The following MIPEP variants were observed in gnomAD, a reference collection of about 807,000 sequenced individuals.
MIPEP encodes the protein mitochondrial intermediate peptidase.
In MIPEP, 79 loss-of-function variants were observed where a neutral mutation model predicts 90.3. The observed-to-expected ratio is 0.87, with a 90% CI of 0.73 to 1.05. The LOEUF (loss-of-function observed/expected upper bound fraction) is 1.05. Ranked by LOEUF, MIPEP falls within the 50% of genes least tolerant of loss-of-function variation. The pLI, the probability that MIPEP is intolerant of heterozygous loss-of-function variation, is 0.00. For missense variants in MIPEP, 940 were observed against 905.6 expected (o/e 1.04, Z -0.49); for synonymous variants, 334 against 315.8 (o/e 1.06, Z -0.61).
intron 15 of MIPEP, among the ~76,000 whole-genome samples, chr13:23,808,346 G>A (rs932938078): frequency 2.6e-5 from 4 of 152,026 alleles, no homozygotes; most frequent in Admixed American, 1.3e-4. Context: ...TGATCCGCCC[G>A]CCTCGGCCTC....
chr13:23,791,343 A>G (rs1043498033), intron 16 of MIPEP, among the ~76,000 whole-genome samples: 1 of 152,132 alleles, frequency 6.6e-6, no homozygotes, highest in African/African-American at 2.4e-5. Flanking sequence ...GCCTGCAATC[A>G]TAACTCACAT....
chr13:23,871,840 T>C (rs1054863761), intron 5 of MIPEP, among the ~76,000 whole-genome samples: 1 of 152,026 alleles, frequency 6.6e-6, no homozygotes, highest in Non-Finnish European at 1.5e-5. Flanking sequence ...TGGTAACAAG[T>C]GGAATAACAA....
chr13:23,801,071 G>A (rs191175813), intron 16 of MIPEP, among the ~76,000 whole-genome samples: 4 of 152,206 alleles, frequency 2.6e-5, no homozygotes, highest in African/African-American at 2.4e-5. Context: ...AAGACTCTTC[G>A]TTGCTTATAT....
At chr13:23,816,684 A>G (rs1953242296) in intron 14 of MIPEP, among the ~76,000 whole-genome samples, 1 of 152,052 alleles carries the variant, frequency 6.6e-6, no homozygotes, top group South Asian at 2.1e-4. Flanking sequence ...GCTTTTATTG[A>G]TTAGCTTTAT....
intron 7 of MIPEP, among the ~76,000 whole-genome samples, chr13:23,867,775 T>C (rs1033177645): frequency 1.3e-5 from 2 of 152,144 alleles, no homozygotes; most frequent in African/African-American, 4.8e-5. Context: ...AAATGTAGCA[T>C]ATGTGTTTAG....
At chr13:23,855,455 G>C (rs2137490070) in intron 10 of MIPEP, among the ~76,000 whole-genome samples, 1 of 152,182 alleles carries the variant, frequency 6.6e-6, no homozygotes, top group African/African-American at 2.4e-5. Context: ...TTGAAAAAAA[G>C]GCTCGAATCA....
intron 16 of MIPEP, among the ~76,000 whole-genome samples, chr13:23,797,616 C>CT (rs1305763216): frequency 2.6e-5 from 4 of 152,192 alleles, no homozygotes; most frequent in Non-Finnish European, 5.9e-5. Context: ...GCCTGGTCAT[C>CT]TTGTTTCTTT....
At chr13:23,855,258 C>T (rs531308457) in intron 10 of MIPEP, among the ~76,000 whole-genome samples, 2 of 152,272 alleles carry the variant, frequency 1.3e-5, no homozygotes, top group African/African-American at 4.8e-5. Context: ...AAATGAGCTG[C>T]TCTTTAAGAC....
At chr13:23,859,284 A>G (rs942026018) in intron 9 of MIPEP, among the ~76,000 whole-genome samples, 3 of 152,232 alleles carry the variant, frequency 2.0e-5, no homozygotes, top group African/African-American at 7.2e-5. Context: ...AGATGAGTGT[A>G]CTAAAGGTAG....
At chr13:23,809,661 A>G (rs1483568761) in intron 15 of MIPEP, among the ~76,000 whole-genome samples, 189 bp downstream of exon 15, 1 of 152,106 alleles carries the variant, frequency 6.6e-6, no homozygotes, top group Non-Finnish European at 1.5e-5. Flanking sequence ...ATTTTATTCA[A>G]CGCCTACTTC....
intron 5 of MIPEP, among the ~76,000 whole-genome samples, chr13:23,872,611 CCT>C (rs1459044814): frequency 6.6e-6 from 1 of 152,068 alleles, no homozygotes; most frequent in Non-Finnish European, 1.5e-5. Flanking sequence ...TAGTGGAGCA[CCT>C]CTGAGAACAA....
chr13:23,772,201 C>T (rs1014365232), intron 16 of MIPEP, among the ~76,000 whole-genome samples: 2 of 152,106 alleles, frequency 1.3e-5, no homozygotes, highest in South Asian at 2.1e-4. Context: ...TGTGACTGAG[C>T]CACCGAAATG....
intron 16 of MIPEP, chr13:23,760,516 C>A: frequency 1.7e-6 from 1 of 589,744 alleles, no homozygotes; most frequent in Non-Finnish European, 3.4e-6. Flanking sequence ...TTAGACTGGG[C>A]CCTTGCCCAA....
At chr13:23,762,080 G>A (rs531556238) in intron 16 of MIPEP, among the ~76,000 whole-genome samples, 18 of 151,974 alleles carry the variant, frequency 1.2e-4, no homozygotes, top group African/African-American at 3.9e-4. Context: ...AGCTAAGATC[G>A]CACCACTGCA....
At chr13:23,787,629 C>T (rs3794335) in intron 16 of MIPEP, among the ~76,000 whole-genome samples, 43,892 of 152,044 alleles carry the variant, frequency 0.29, 6,772 homozygotes, top group South Asian at 0.48. Context: ...CTCTTTCTCT[C>T]GTGTCCCCTA....
intron 11 of MIPEP, 88 bp downstream of exon 11, chr13:23,841,247 G>C: frequency 8.0e-7 from 1 of 1,256,560 alleles, no homozygotes; most frequent in Non-Finnish European, 1.1e-6. Flanking sequence ...TCAGGGCAAA[G>C]TTGATGTAAA....
chr13:23,780,877 A>G (rs1952774588), intron 16 of MIPEP, among the ~76,000 whole-genome samples: 1 of 152,214 alleles, frequency 6.6e-6, no homozygotes, highest in African/African-American at 2.4e-5. Flanking sequence ...AAATGAATGA[A>G]ATGAAGCGAG....
In MIPEP at chr13:23,889,358, C is replaced by A. The variant is rs1275163818; in HGVS notation, c.-38G>T. The A allele has an allele frequency of 2.9e-5, 36 of 1,260,834 alleles. No individual in the cohort carries two copies. The highest frequency in any genetic ancestry group is 7.7e-5 in the African/African-American group (5 of 64,552). The allele number at this position is 1,260,834 out of a possible 1,614,324, so 78.1% of individuals were successfully genotyped here. ...GCAGTCCCTTCCTCCAACGCAGATCCCTGCCCTGCTGCTTTCGCTGGGAGC... is the reference window on the plus strand; with the variant it reads ...GCAGTCCCTTCCTCCAACGCAGATCACTGCCCTGCTGCTTTCGCTGGGAGC... On this transcript the variant is annotated 5_prime_UTR_variant, in exon 1 of 19. Coordinates refer to ENST00000382172, the MANE Select transcript of MIPEP (RefSeq NM_005932.4).
At chr13:23,870,434 CTA>C (rs1381329370) in intron 5 of MIPEP, among the ~76,000 whole-genome samples, 2 of 151,974 alleles carry the variant, frequency 1.3e-5, no homozygotes, top group African/African-American at 4.8e-5. Flanking sequence ...TCTGATGTTT[CTA>C]TGTTTTAAGA....
Sources: gnomAD v4.1 joint callset for allele counts (sites outside exome capture counted in the v4.1 genomes callset) on GRCh38, gnomAD v4.1.1 for gene constraint, MANE v1.5 for transcripts, NCBI Gene and HGNC (gene_info 2026-07-23, HGNC 2026-07-21) for gene names.